PTPRD: variants seen among roughly 807,000 people sequenced by gnomAD.
PTPRD encodes the protein receptor-type tyrosine-protein phosphatase delta.
A neutral mutation model predicts 214.5 loss-of-function variants in PTPRD; 34 were observed. The ratio of observed to expected loss-of-function variants is 0.16; its 90% CI spans 0.12 to 0.21. PTPRD has a LOEUF of 0.21. PTPRD is among the 10% of genes least tolerant of loss of function. The probability of loss-of-function intolerance (pLI) is 1.00; values close to 1 mark genes in which losing one functional copy is unlikely to be tolerated. For missense variants in PTPRD, 2,545 were observed against 2,398.7 expected (o/e 1.06, Z -1.27); for synonymous variants, 1,128 against 845.7 (o/e 1.33, Z -5.79).
At chr9:9,565,375 T>C (rs2084195270) in intron 8 of PTPRD, among the ~76,000 whole-genome samples, 1 of 151,808 alleles carries the variant, frequency 6.6e-6, no homozygotes. Context: ...TTTATTAAAT[T>C]TAAAATTGCA....
intron 35 of PTPRD, among the ~76,000 whole-genome samples, chr9:8,423,258 C>A (rs1238363797): frequency 6.6e-6 from 1 of 152,154 alleles, no homozygotes; most frequent in Non-Finnish European, 1.5e-5. Flanking sequence ...TGCCACCTGA[C>A]ATACTGTTCA....
chr9:9,733,647 G>C (rs2098239389), intron 7 of PTPRD, among the ~76,000 whole-genome samples: 1 of 152,102 alleles, frequency 6.6e-6, no homozygotes, highest in Non-Finnish European at 1.5e-5. Context: ...CTAAATAATG[G>C]AGTACAAGAT....
At chr9:8,330,541 G>A (rs1190395990) in intron 44 of PTPRD, among the ~76,000 whole-genome samples, 1 of 145,148 alleles carries the variant, frequency 6.9e-6, no homozygotes, top group African/African-American at 2.7e-5. Context: ...TGGTTGGTTT[G>A]CAAAGGATGT....
At chr9:9,368,792 A>G (rs1216598354) in intron 9 of PTPRD, among the ~76,000 whole-genome samples, 1 of 151,852 alleles carries the variant, frequency 6.6e-6, no homozygotes, top group Non-Finnish European at 1.5e-5. Flanking sequence ...TAAGTTTTAG[A>G]GTACATGTGC....
intron 5 of PTPRD, 110 bp from the exon 6 acceptor site, chr9:9,766,961 C>T (rs2098711480): frequency 6.6e-6 from 1 of 151,612 alleles, no homozygotes; most frequent in African/African-American, 2.4e-5. Flanking sequence ...TCCATCATTG[C>T]TCATATTGTG....
intron 10 of PTPRD, among the ~76,000 whole-genome samples, chr9:9,060,586 G>C (rs2099705257): frequency 6.6e-6 from 1 of 152,000 alleles, no homozygotes; most frequent in African/African-American, 2.4e-5. Context: ...CAGACTAAGA[G>C]AAGATATTTT....
Position 9,974,598 on chromosome 9 carries a change from C to A in PTPRD, c.-471-35988G>T, listed in dbSNP as rs185077126. Among the ~76,000 whole-genome samples, 5 of 152,106 alleles carry A rather than the reference C, an allele frequency of 3.3e-5. No individual in the cohort carries two copies. In the East Asian group the frequency reaches 7.7e-4, roughly 23 times the overall value. ...TAGACCTAATTACCCCACTAATTTC[C>A]GGATAAATTTCCTAGGCTGAGTGTT... On this transcript the variant is annotated intron_variant, in intron 4 of 45. Transcript: ENST00000381196.
At chr9:8,582,184 G>A (rs2093218475) in intron 14 of PTPRD, among the ~76,000 whole-genome samples, 1 of 152,092 alleles carries the variant, frequency 6.6e-6, no homozygotes, top group African/African-American at 2.4e-5. Context: ...GAGAAAGGTT[G>A]GGACTAGCCA....
chr9:10,179,287 T>C (rs2099268019), intron 3 of PTPRD, among the ~76,000 whole-genome samples: 1 of 151,976 alleles, frequency 6.6e-6, no homozygotes, highest in Non-Finnish European at 1.5e-5. Flanking sequence ...AGCAGATGTA[T>C]CTGGTATAAA....
At chr9:9,289,260 T>A (rs369738901) in intron 9 of PTPRD, among the ~76,000 whole-genome samples, 17 of 152,028 alleles carry the variant, frequency 1.1e-4, no homozygotes, top group African/African-American at 4.1e-4. Context: ...TACATGTGCA[T>A]GCTAAAGATA....
chr9:9,633,785 G>A (rs1344391994), intron 7 of PTPRD, among the ~76,000 whole-genome samples: 2 of 152,132 alleles, frequency 1.3e-5, no homozygotes, highest in Admixed American at 1.3e-4. Flanking sequence ...AAAATCATCT[G>A]CTTAAAATTT....
intron 20 of PTPRD, among the ~76,000 whole-genome samples, chr9:8,519,779 G>C (rs531425401): frequency 1.4e-4 from 22 of 152,140 alleles, no homozygotes; most frequent in African/African-American, 4.8e-4. Context: ...TGTTTTATTT[G>C]TTTATTTTTG....
chr9:10,045,876 A>G (rs2097381110), intron 3 of PTPRD, among the ~76,000 whole-genome samples: 1 of 151,828 alleles, frequency 6.6e-6, no homozygotes, highest in African/African-American at 2.4e-5. Context: ...TTCTGTGTTA[A>G]GAATCACAAT....
At chr9:10,552,584 C>A (rs897477431) in intron 2 of PTPRD, among the ~76,000 whole-genome samples, 1 of 152,094 alleles carries the variant, frequency 6.6e-6, no homozygotes, top group Non-Finnish European at 1.5e-5. Context: ...ACATTTATAT[C>A]CCTACCACTG....
chr9:8,547,867 T>C (rs10118122), intron 14 of PTPRD, among the ~76,000 whole-genome samples: 1 of 152,156 alleles, frequency 6.6e-6, no homozygotes, highest in East Asian at 1.9e-4. Flanking sequence ...AAACATTAAA[T>C]AGCAGTGTAT....
At chr9:9,414,421 A>T (rs2076394993) in intron 8 of PTPRD, among the ~76,000 whole-genome samples, 1 of 152,224 alleles carries the variant, frequency 6.6e-6, no homozygotes, top group African/African-American at 2.4e-5. Flanking sequence ...GAGTAGCAAT[A>T]TCCTTAAAAT....
intron 2 of PTPRD, among the ~76,000 whole-genome samples, chr9:10,596,984 C>A (rs1016474400): frequency 6.6e-6 from 1 of 151,458 alleles, no homozygotes; most frequent in South Asian, 2.1e-4. Context: ...AAAGGAGCTA[C>A]TTCCAACAGC....
At chr9:9,597,548 G>A (rs922385366) in intron 7 of PTPRD, among the ~76,000 whole-genome samples, 2 of 151,972 alleles carry the variant, frequency 1.3e-5, no homozygotes, top group African/African-American at 4.8e-5. Context: ...GAATATTCAA[G>A]AGGAAAAGTA....
chr9:9,643,329 T>G (rs925608074), intron 7 of PTPRD, among the ~76,000 whole-genome samples: 1 of 152,100 alleles, frequency 6.6e-6, no homozygotes, highest in African/African-American at 2.4e-5. Flanking sequence ...ACCAGTTGCA[T>G]AGAAAGCCCT....
Sources: allele counts gnomAD v4.1 joint callset (sites outside exome capture counted in the v4.1 genomes callset), GRCh38; gene constraint gnomAD v4.1.1; transcripts MANE v1.5; gene names NCBI Gene and HGNC (gene_info 2026-07-23, HGNC 2026-07-21).